ATP2A1: variants seen among roughly 807,000 people sequenced by gnomAD.
The protein encoded by ATP2A1 is sarcoplasmic/endoplasmic reticulum calcium ATPase 1.
Under a neutral mutation model 109.5 loss-of-function variants are expected in ATP2A1, and 83 were observed. The ratio of observed to expected loss-of-function variants is 0.76; its 90% CI spans 0.63 to 0.91. The LOEUF is 0.91. Among genes scored for constraint, ATP2A1 ranks in the 40% least tolerant of loss-of-function variants. The pLI, the probability that ATP2A1 is intolerant of heterozygous loss-of-function variation, is 0.00. For missense variants in ATP2A1, 1,101 were observed against 1,341.0 expected (o/e 0.82, Z 2.80); for synonymous variants, 505 against 537.6 (o/e 0.94, Z 0.84).
At position 28,903,129 on chromosome 16, in the gene ATP2A1, C is replaced by G; in HGVS notation, c.2844C>G (p.Leu948=). Reference sequence around the variant, plus strand: ...CCATGTCCCTGCACTTCCTCATCCTCTATGTTGACCCCCTGCCGGTGAGGT... The same window carrying G: ...CCATGTCCCTGCACTTCCTCATCCTGTATGTTGACCCCCTGCCGGTGAGGT... The part of the protein sequence containing the change: ...CLSMSLHFLI[L]YVDPLPMIFK... Residue 948 remains leucine, a synonymous_variant, in exon 20 of 23, where the codon CTC becomes CTG. Transcript: ENST00000395503. The surrounding 1 kb of genome is among the most constrained non-coding windows in gnomAD (Gnocchi z 5.6). The G allele has an allele frequency of 6.2e-7, 1 of 1,613,726 alleles. No homozygotes were observed.
At position 28,880,941 on chromosome 16, in the gene ATP2A1, A is replaced by G. The variant is rs1963453299; in HGVS notation, c.246A>G (p.Glu82=). 1 of 1,613,944 alleles carries G rather than the reference A, an allele frequency of 6.2e-7. No individual in the cohort carries two copies. The change falls in exon 4 of 23, where the codon GAA becomes GAG. Residue 82 remains glutamate (E), a synonymous_variant. Transcript: ENST00000395503. The surrounding 1 kb of genome is among the most constrained non-coding windows in gnomAD (Gnocchi z 4.2). Reference sequence around the variant, plus strand: ...TGCTGGCCTGGTTTGAGGAAGGTGAAGAGACCATCACTGCCTTTGTTGAAC... The same window carrying G: ...TGCTGGCCTGGTTTGAGGAAGGTGAGGAGACCATCACTGCCTTTGTTGAAC... ...SFVLAWFEEG[E]ETITAFVEPF...
At chr16:28,881,898 C>A (rs1357106913) in intron 4 of ATP2A1, among the ~76,000 whole-genome samples, 2 of 151,506 alleles carry the variant, frequency 1.3e-5, no homozygotes, top group Non-Finnish European at 2.9e-5. Flanking sequence ...AGGTCCAGGA[C>A]AGCATCTGCA....
Position 28,887,117 on chromosome 16 carries a change from G to A in ATP2A1, c.545-72G>A, listed in dbSNP as rs1242340387. 3.4e-6 allele frequency: 5 copies of A among 1,491,092 alleles called. No individual in the cohort carries two copies. The Admixed American group carries it at 8.4e-5, about 25-fold the overall frequency. The allele number at this position is 1,491,092 out of a possible 1,614,324, so 92.4% of individuals were successfully genotyped here. ...CAGGAGCTGTCCTGCTGAGCAGGGA[G>A]AGAGTTAGGCACGGGAAGCCTGGGA... On this transcript the variant is annotated intron_variant, in intron 6 of 22. Transcript: ENST00000395503.
chr16:28,884,444 C>T, intron 5 of ATP2A1, 131 bp from the exon 6 acceptor site: 1 of 855,920 alleles, frequency 1.2e-6, no homozygotes, highest in Non-Finnish European at 1.9e-6. Flanking sequence ...GGGCCTGATG[C>T]AAGCCCTGGG....
chr16:28,879,766 G>A (rs1963401777), intron 3 of ATP2A1, 183 bp downstream of exon 3: 2 of 761,756 alleles, frequency 2.6e-6, no homozygotes, highest in South Asian at 3.3e-5. Flanking sequence ...CTGCACCCCA[G>A]AGGCAGGTTT....
intron 15 of ATP2A1, among the ~76,000 whole-genome samples, chr16:28,901,328 CAAAAAA>C (rs768320423): frequency 3.6e-5 from 2 of 55,922 alleles, no homozygotes; most frequent in Non-Finnish European, 3.8e-5. Flanking sequence ...GACCCTGTCT[CAAAAAA>C]AAAAAAAAAA....
rs373851801 is a variant in ATP2A1, at chr16:28,894,965, G to A, written c.1419+12G>A. On this transcript the variant is annotated intron_variant, in intron 12 of 22. Transcript: ENST00000395503. ...ACGCCTGCAACTCGGTGAGCCTGCG[G>A]AGCCCCTGCCACAGGGCCGTCTCCA... 4 of 1,610,226 alleles carry A rather than the reference G, an allele frequency of 2.5e-6. No individual in the cohort carries two copies. Among genetic ancestry groups the A allele is most frequent in the African/African-American group, 1.3e-5 (1 of 74,920 alleles).
intron 5 of ATP2A1, 27 bp downstream of exon 5, chr16:28,882,616 G>C: frequency 6.2e-7 from 1 of 1,613,278 alleles, no homozygotes; most frequent in Non-Finnish European, 8.5e-7. Context: ...GCTGGTCCAG[G>C]ATGGGAGGCC....
In ATP2A1 at chr16:28,894,671, A is replaced by G. The variant is rs188950937; in HGVS notation, c.1287+64A>G. On this transcript the variant is annotated intron_variant, in intron 11 of 22. Transcript: ENST00000395503. The stretch of plus-strand genomic sequence containing the variant: ...GGCCTCCTCCGAAGGCCAGGAGGAA[A>G]GGGTTGGAGGAAGGGGACCCAGTAC... The G allele has an allele frequency of 4.9e-5, 79 of 1,601,502 alleles. No individual in the cohort carries two copies. In the East Asian group the frequency reaches 1.8e-3, roughly 36 times the overall value.
At position 28,879,084 on chromosome 16, in the gene ATP2A1, CT is replaced by C; in HGVS notation, c.119-10del. On this transcript the variant is annotated splice_polypyrimidine_tract_variant and intron_variant, in intron 1 of 22. Coordinates refer to ENST00000395503, the MANE Select transcript of ATP2A1 (RefSeq NM_004320.6). Reference sequence around the variant, plus strand: ...CCCCAAATGAATCTGTCCTTTTCTTCTTTTTCCTGGGTAGAGCTCCCTGCTG... The same window carrying C: ...CCCCAAATGAATCTGTCCTTTTCTTCTTTTCCTGGGTAGAGCTCCCTGCTG... 1 of 1,614,052 alleles carries C rather than the reference CT, an allele frequency of 6.2e-7. No homozygotes were observed. Among genetic ancestry groups the C allele is most frequent in the Non-Finnish European group, 8.5e-7 (1 of 1,179,964 alleles).
In ATP2A1 at chr16:28,887,570, A is replaced by G; in HGVS notation, c.776A>G (p.Gln259Arg). The change falls in exon 8 of 23, where the codon CAG (glutamine) becomes CGG (arginine). Residue 259 changes from glutamine to arginine, a missense_variant. Coordinates refer to ENST00000395503, the MANE Select transcript of ATP2A1 (RefSeq NM_004320.6). ...CAGAAGCTGGATGAGTTTGGGGAGC[A>G]GCTCTCCAAGGTCATCTCCCTCATC... The part of the protein sequence containing the change: ...LQQKLDEFGE[Q>R]LSKVISLICV... The G allele has an allele frequency of 6.2e-7, 1 of 1,613,916 alleles. No individual in the cohort carries two copies. The highest frequency in any genetic ancestry group is 1.1e-5 in the South Asian group (1 of 91,060).
chr16:28,889,316 GTGT>G (rs1387793214), intron 9 of ATP2A1, among the ~76,000 whole-genome samples: 4 of 152,076 alleles, frequency 2.6e-5, no homozygotes, highest in Non-Finnish European at 4.4e-5. Flanking sequence ...GAGTGCAGTG[GTGT>G]GATCTTGGCT....
chr16:28,903,987 G>T lies in ATP2A1; in HGVS notation c.*38-193G>T, dbSNP rs553496291. Among the ~76,000 whole-genome samples, 1 of 151,642 alleles carries T rather than the reference G, an allele frequency of 6.6e-6. No individual in the cohort carries two copies. Among genetic ancestry groups the T allele is most frequent in the East Asian group, 1.9e-4 (1 of 5,166 alleles). On this transcript the variant is annotated intron_variant, in intron 22 of 22. Coordinates refer to ENST00000395503, the MANE Select transcript of ATP2A1 (RefSeq NM_004320.6). The surrounding 1 kb of genome is among the most constrained non-coding windows in gnomAD (Gnocchi z 5.6). ...TGCTGCGCTGCGTTGCGCTGGCTGT[G>T]TGCTGGGCTGTCTTTGCTGTGGGGC...
chr16:28,886,457 C>T (rs927240719), intron 6 of ATP2A1, among the ~76,000 whole-genome samples: 1 of 152,128 alleles, frequency 6.6e-6, no homozygotes, highest in Non-Finnish European at 1.5e-5. Flanking sequence ...TGCTGCTGAG[C>T]CCCTGCTCTT....
intron 4 of ATP2A1, 72 bp from the exon 5 acceptor site, chr16:28,882,379 C>A: frequency 6.2e-7 from 1 of 1,607,596 alleles, no homozygotes; most frequent in South Asian, 1.1e-5. Flanking sequence ...TTGCCTCCCC[C>A]GTGCCAGGAG....
chr16:28,890,466 A>G (rs1011062982), intron 9 of ATP2A1, among the ~76,000 whole-genome samples: 2 of 151,762 alleles, frequency 1.3e-5, no homozygotes, highest in African/African-American at 4.8e-5. Context: ...TGCATGACAG[A>G]GCGAGACCCT....
Position 28,903,533 on chromosome 16 carries a change from T to A in ATP2A1, c.2980+93T>A. 9.5e-7 allele frequency: 1 copy of A among 1,047,442 alleles called. No homozygotes were observed. The highest frequency in any genetic ancestry group is 1.3e-6 in the Non-Finnish European group (1 of 742,170). The allele number at this position is 1,047,442 out of a possible 1,614,324, so 64.9% of individuals were successfully genotyped here. A position where few individuals can be genotyped will look rare whatever the true frequency, so the allele number is the denominator to read the frequency against. On this transcript the variant is annotated intron_variant, in intron 21 of 22. Transcript: ENST00000395503. The surrounding 1 kb of genome is among the most constrained non-coding windows in gnomAD (Gnocchi z 5.6). The stretch of plus-strand genomic sequence containing the variant: ...GCCCCGCCCCGTACTTTGCAGGTGG[T>A]AAGTTTCTCAGCCCTGGCAGGACCT...
At position 28,898,397 on chromosome 16, in the gene ATP2A1, C is replaced by T; in HGVS notation, c.1710C>T (p.Pro570=). 2 of 1,614,190 alleles carry T rather than the reference C, an allele frequency of 1.2e-6. No individual in the cohort carries two copies. Among genetic ancestry groups the T allele is most frequent in the Non-Finnish European group, 8.5e-7 (1 of 1,180,040 alleles). Residue 570 remains proline (P), a synonymous_variant, in exon 14 of 23, where the codon CCC becomes CCT. Transcript: ENST00000395503. The surrounding 1 kb of genome is among the most constrained non-coding windows in gnomAD (Gnocchi z 4.0). Reference sequence around the variant, plus strand: ...TGGCCCTGGCCACCCGGGACACCCCCCCGAAGCGAGAGGAAATGGTCCTGG... The same window carrying T: ...TGGCCCTGGCCACCCGGGACACCCCTCCGAAGCGAGAGGAAATGGTCCTGG... The part of the protein sequence containing the change: ...RCLALATRDT[P]PKREEMVLDD...
rs149282970 is a variant in ATP2A1, at chr16:28,902,320, C to T, written c.2458C>T (p.Pro820Ser). The change falls in exon 17 of 23, where the codon CCC becomes TCC. Residue 820 changes from proline (P) to serine (S), a missense_variant. By Grantham distance (74) the Pro-to-Ser change is moderately conservative. Transcript: ENST00000395503. The surrounding 1 kb of genome is among the most constrained non-coding windows in gnomAD (Gnocchi z 4.8). ...NPPDLDIMDRPPRSPKEPLIS... is the reference protein window; with the variant it reads ...NPPDLDIMDRSPRSPKEPLIS... The stretch of plus-strand genomic sequence containing the variant: ...ACCAGACCTGGACATCATGGACCGC[C>T]CCCCCCGGAGCCCCAAGGAGCCCCT... 1.2e-6 allele frequency: 2 copies of T among 1,614,084 alleles called. No homozygotes were observed. The highest frequency in any genetic ancestry group is 1.7e-6 in the Non-Finnish European group (2 of 1,179,986).
Sources: allele counts gnomAD v4.1 joint callset (sites outside exome capture counted in the v4.1 genomes callset), GRCh38; gene constraint gnomAD v4.1.1; non-coding constraint Gnocchi (gnomAD v3.1); transcripts MANE v1.5; gene names NCBI Gene and HGNC (gene_info 2026-07-23, HGNC 2026-07-21).